Variants in PTK2 observed in about 807,000 individuals in gnomAD.
The protein encoded by PTK2 is protein tyrosine kinase 2, also known as focal adhesion kinase 1.
PTK2 carries 45 observed loss-of-function variants against 150.1 expected under a neutral mutation model. That is an observed-to-expected ratio of 0.30 (90% confidence interval 0.24 to 0.38). PTK2 has a LOEUF of 0.38. Among genes scored for constraint, PTK2 ranks in the 10% least tolerant of loss-of-function variants. The pLI, the probability that PTK2 is intolerant of heterozygous loss-of-function variation, is 1.00. For synonymous variants in PTK2, 432 were observed against 449.2 expected (o/e 0.96, Z 0.48); for missense variants, 919 against 1,307.3 (o/e 0.70, Z 4.58).
At chr8:140,911,221 C>T (rs754322611) in intron 2 of PTK2, among the ~76,000 whole-genome samples, 12 of 151,558 alleles carry the variant, frequency 7.9e-5, no homozygotes, top group Non-Finnish European at 1.8e-4. Flanking sequence ...TTTTGTCTGC[C>T]TTTTTTTTCT....
chr8:140,943,239 C>T (rs2100176470), intron 1 of PTK2, among the ~76,000 whole-genome samples: 1 of 152,172 alleles, frequency 6.6e-6, no homozygotes, highest in Non-Finnish European at 1.5e-5. Context: ...CCCCCATGCT[C>T]TTTTATACTC....
chr8:140,746,725 T>C (rs1321133907), intron 18 of PTK2, 35 bp downstream of exon 21: 3 of 1,474,178 alleles, frequency 2.0e-6, no homozygotes, highest in Non-Finnish European at 2.8e-6. Flanking sequence ...TATCAAACGC[T>C]GAGTCCAGAA....
At chr8:140,836,750 G>A (rs1410837267) in intron 7 of PTK2, among the ~76,000 whole-genome samples, 1 of 151,868 alleles carries the variant, frequency 6.6e-6, no homozygotes, top group African/African-American at 2.4e-5. Flanking sequence ...TAATGTGTGG[G>A]GAATACATTC....
At chr8:140,677,626 C>T (rs1196224952) in intron 27 of PTK2, among the ~76,000 whole-genome samples, 1 of 152,178 alleles carries the variant, frequency 6.6e-6, no homozygotes, top group African/African-American at 2.4e-5. Context: ...AATACAAGTG[C>T]TATAAAAAAT....
intron 7 of PTK2, 29 bp downstream of exon 7, chr8:140,846,231 C>T (rs1219688273): frequency 2.6e-6 from 4 of 1,516,848 alleles, no homozygotes; most frequent in Non-Finnish European, 9.0e-7. Context: ...TGCATATTTG[C>T]AGGTATAGAT....
At chr8:140,671,256 C>A (rs2095348009) in intron 29 of PTK2, among the ~76,000 whole-genome samples, 1 of 152,184 alleles carries the variant, frequency 6.6e-6, no homozygotes, top group Non-Finnish European at 1.5e-5. Context: ...GAATCTCGCT[C>A]TGTCGCCCAG....
In PTK2 at chr8:140,863,401, G is replaced by C. The variant is rs149820791; in HGVS notation, c.450+911C>G. ...AAAAAAAATTCTGGTTACGGCATTTGCTAACTAACGTTTTTAAATGGCTCC... is the reference window on the plus strand; with the variant it reads ...AAAAAAAATTCTGGTTACGGCATTTCCTAACTAACGTTTTTAAATGGCTCC... On this transcript the variant is annotated intron_variant, in intron 5 of 31. Transcript: ENST00000522684. Among the ~76,000 whole-genome samples the C allele has an allele frequency of 2.6e-4, 40 of 152,104 alleles. No homozygotes were observed. The East Asian group carries it at 7.2e-3, about 27-fold the overall frequency.
At position 140,659,168 on chromosome 8, in the gene PTK2, T is replaced by C. The variant is rs75277990; in HGVS notation, c.*298A>G. Reference sequence around the variant, plus strand: ...TTTAGAACGTATCTTAATGTGAACATAAATTGTTCTTCATGATGCTTAAAA... The same window carrying C: ...TTTAGAACGTATCTTAATGTGAACACAAATTGTTCTTCATGATGCTTAAAA... On this transcript the variant is annotated 3_prime_UTR_variant, in exon 32 of 32. Coordinates refer to ENST00000522684, the Ensembl canonical transcript of PTK2. 4.1e-3 allele frequency: 1,671 copies of C among 411,530 alleles called. 27 individuals carry two copies. The highest frequency in any genetic ancestry group is 0.031 in the African/African-American group (1,562 of 50,064). 25.5% of individuals were successfully genotyped at this position (411,530 alleles called of 1,614,324 possible).
intron 14 of PTK2, among the ~76,000 whole-genome samples, chr8:140,768,736 T>G (rs1027356607): frequency 6.6e-6 from 1 of 152,216 alleles, no homozygotes; most frequent in Non-Finnish European, 1.5e-5. Flanking sequence ...TTGCAGCTGC[T>G]AATTGATTAT....
chr8:140,977,349 C>T (rs931536001), intron 1 of PTK2, among the ~76,000 whole-genome samples: 4 of 152,018 alleles, frequency 2.6e-5, no homozygotes, highest in East Asian at 1.9e-4. Context: ...GCAGCATGGG[C>T]GCGGTAGCTC....
At chr8:140,981,154 C>T (rs2100191287) in intron 1 of PTK2, among the ~76,000 whole-genome samples, 1 of 150,302 alleles carries the variant, frequency 6.7e-6, no homozygotes, top group Admixed American at 6.6e-5. Flanking sequence ...TCAATGACCA[C>T]TGTTTTAAAT....
chr8:140,679,218 T>C (rs929462724), intron 27 of PTK2, among the ~76,000 whole-genome samples: 2 of 151,528 alleles, frequency 1.3e-5, no homozygotes, highest in African/African-American at 4.9e-5. Context: ...AGAGACAGGG[T>C]TTCACTATGT....
At chr8:140,873,540 ACTGCAAC>A (rs2100143816) in intron 4 of PTK2, among the ~76,000 whole-genome samples, 1 of 151,832 alleles carries the variant, frequency 6.6e-6, no homozygotes, top group Non-Finnish European at 1.5e-5. Context: ...ATCTCGGCTC[ACTGCAAC>A]CTCTACCTCC....
At chr8:140,949,835 T>G (rs1322652004) in intron 1 of PTK2, among the ~76,000 whole-genome samples, 1 of 152,104 alleles carries the variant, frequency 6.6e-6, no homozygotes, top group African/African-American at 2.4e-5. Flanking sequence ...GGGACAGCCT[T>G]GAAGCCCGGG....
intron 10 of PTK2, among the ~76,000 whole-genome samples, chr8:140,805,846 C>T (rs1010255950): frequency 1.3e-5 from 2 of 152,174 alleles, no homozygotes; most frequent in Admixed American, 1.3e-4. Flanking sequence ...TCATATCACT[C>T]CTCTGCTTAA....
At chr8:140,815,197 A>G (rs1166578127) in intron 10 of PTK2, among the ~76,000 whole-genome samples, 1 of 152,050 alleles carries the variant, frequency 6.6e-6, no homozygotes, top group Non-Finnish European at 1.5e-5. Context: ...AATGTGGTAC[A>G]TGCACACCAT....
intron 23 of PTK2, among the ~76,000 whole-genome samples, chr8:140,708,404 G>C (rs1202681691): frequency 1.3e-5 from 2 of 151,994 alleles, no homozygotes. Context: ...CTTCTTTCAC[G>C]CAACAGCTCG....
intron 2 of PTK2, among the ~76,000 whole-genome samples, chr8:140,892,785 GA>G (rs2100154664): frequency 1.3e-5 from 2 of 152,270 alleles, no homozygotes; most frequent in African/African-American, 4.8e-5. Flanking sequence ...CTTTTAAAAT[GA>G]GGGGGGAAAT....
intron 1 of PTK2, among the ~76,000 whole-genome samples, chr8:140,940,321 A>T (rs1180179154): frequency 2.0e-5 from 3 of 151,726 alleles, no homozygotes; most frequent in Non-Finnish European, 4.4e-5. Flanking sequence ...GAAACAAAAA[A>T]ATTGGCCAGG....
Sources: gnomAD v4.1 joint callset for allele counts (sites outside exome capture counted in the v4.1 genomes callset) on GRCh38, gnomAD v4.1.1 for gene constraint, MANE v1.5 for transcripts, NCBI Gene and HGNC (gene_info 2026-07-23, HGNC 2026-07-21) for gene names.